The following PCDH7 variants were observed in gnomAD, a reference collection of about 807,000 sequenced individuals.
PCDH7 encodes protocadherin-7.
PCDH7 carries 17 observed loss-of-function variants against 58.9 expected under a neutral mutation model. The observed-to-expected ratio is 0.29, with a 90% confidence interval of 0.20 to 0.43. The LOEUF (loss-of-function observed/expected upper bound fraction) is 0.43. Ranked by LOEUF, PCDH7 falls within the 20% of genes least tolerant of loss-of-function variation. The pLI, the probability that PCDH7 is intolerant of heterozygous loss-of-function variation, is 1.00. For synonymous variants in PCDH7, 664 were observed against 616.4 expected, an observed-to-expected ratio of 1.08 and a Z score of -1.14; for missense variants, 1,274 against 1,441.0, an observed-to-expected ratio of 0.88 and a Z score of 1.88.
chr4:30,791,944 A>T (rs1036085320), intron 1 of PCDH7, among the ~76,000 whole-genome samples: 2 of 152,228 alleles, frequency 1.3e-5, no homozygotes, highest in African/African-American at 4.8e-5. Context: ...AAAAGATAAC[A>T]CTGATTATGA....
chr4:30,985,028 G>A (rs986173927), intron 3 of PCDH7, among the ~76,000 whole-genome samples: 4 of 152,246 alleles, frequency 2.6e-5, no homozygotes, highest in East Asian at 1.9e-4. Flanking sequence ...GTGCAGTGAC[G>A]TGACCTCCGC....
At chr4:31,026,347 G>A (rs1367823228) in intron 3 of PCDH7, among the ~76,000 whole-genome samples, 1 of 152,172 alleles carries the variant, frequency 6.6e-6, no homozygotes, top group Non-Finnish European at 1.5e-5. Flanking sequence ...TGTGGAAGTA[G>A]CAAGGATTCC....
At chr4:30,802,938 A>T (rs1036373169) in intron 1 of PCDH7, among the ~76,000 whole-genome samples, 1 of 152,088 alleles carries the variant, frequency 6.6e-6, no homozygotes, top group Non-Finnish European at 1.5e-5. Flanking sequence ...AGATGGTAGG[A>T]CTGATTTGGT....
At chr4:30,898,406 G>T (rs1036382570) in intron 1 of PCDH7, among the ~76,000 whole-genome samples, 2 of 152,104 alleles carry the variant, frequency 1.3e-5, no homozygotes, top group African/African-American at 4.8e-5. Flanking sequence ...AGTCGAGGAG[G>T]ATACAAAAAC....
At chr4:30,852,829 GAAAAAAAAAA>G (rs58210433) in intron 1 of PCDH7, among the ~76,000 whole-genome samples, 2 of 74,610 alleles carry the variant, frequency 2.7e-5, no homozygotes, top group African/African-American at 9.6e-5. Flanking sequence ...TCAAGCACAG[GAAAAAAAAAA>G]AAAAAAAAAA....
In PCDH7 at chr4:30,817,916, A is replaced by G. The variant is rs936569726; in HGVS notation, c.70+93320A>G. On this transcript the variant is annotated intron_variant, in intron 1 of 3. Coordinates refer to the PCDH7 transcript ENST00000509759. ...TTAGATGCCTCCAGAGATTTTTTTC[A>G]TCTCGTCCAAGTTAAAGCCAAAAGC... 3.9e-5 allele frequency among the ~76,000 whole-genome samples: 6 copies of G among 152,176 alleles called. No individual in the cohort carries two copies. The South Asian group carries it at 1.0e-3, about 26-fold the overall frequency.
chr4:30,733,772 C>A (rs1437083089), downstream of PCDH7, among the ~76,000 whole-genome samples: 1 of 151,844 alleles, frequency 6.6e-6, no homozygotes, highest in Non-Finnish European at 1.5e-5. Flanking sequence ...AACCTTATAA[C>A]GTCTGTGAAA....
At chr4:30,846,269 T>A (rs912750453) in intron 1 of PCDH7, among the ~76,000 whole-genome samples, 4 of 152,070 alleles carry the variant, frequency 2.6e-5, no homozygotes, top group African/African-American at 9.7e-5. Context: ...CATGAGGGCA[T>A]TGCCCTCATG....
At chr4:30,737,817 A>G (rs1435102174), downstream of PCDH7, among the ~76,000 whole-genome samples, 1 of 152,214 alleles carries the variant, frequency 6.6e-6, no homozygotes, top group Non-Finnish European at 1.5e-5. Flanking sequence ...TCTTTTTTAC[A>G]TTTGAAAAAA....
chr4:31,034,868 T>A (rs528933036), intron 3 of PCDH7, among the ~76,000 whole-genome samples: 33 of 152,282 alleles, frequency 2.2e-4, no homozygotes, highest in African/African-American at 7.9e-4. Flanking sequence ...CAGCAGTTAG[T>A]CTTGGTGACA....
chr4:30,875,398 GT>G (rs1444222839), intron 1 of PCDH7, among the ~76,000 whole-genome samples: 1 of 151,988 alleles, frequency 6.6e-6, no homozygotes, highest in East Asian at 1.9e-4. Context: ...GGTAGTAGGG[GT>G]TAAGACTTTC....
chr4:31,024,989 C>G (rs1045473609), intron 3 of PCDH7, among the ~76,000 whole-genome samples: 1 of 152,162 alleles, frequency 6.6e-6, no homozygotes, highest in Non-Finnish European at 1.5e-5. Context: ...GTGACCCACC[C>G]GCCTCGGCCT....
chr4:30,937,938 C>A (rs879697661), intron 2 of PCDH7, among the ~76,000 whole-genome samples: 1 of 151,246 alleles, frequency 6.6e-6, no homozygotes, highest in Non-Finnish European at 1.5e-5. Context: ...TAATTGACCT[C>A]GTCATTAAGC....
intron 3 of PCDH7, among the ~76,000 whole-genome samples, chr4:31,123,461 C>G (rs1389371133): frequency 6.6e-6 from 1 of 152,052 alleles, no homozygotes; most frequent in East Asian, 1.9e-4. Context: ...AAACCCCTTG[C>G]GGGAGGAAAA....
At chr4:30,771,199 C>T (rs188260720) in intron 1 of PCDH7, among the ~76,000 whole-genome samples, 62 of 152,188 alleles carry the variant, frequency 4.1e-4, no homozygotes, top group African/African-American at 1.2e-3. Flanking sequence ...TTATTTTGAA[C>T]GAATTCATAA....
chr4:30,740,818 G>GT (rs1384464330), intron 1 of PCDH7, among the ~76,000 whole-genome samples: 21 of 151,756 alleles, frequency 1.4e-4, no homozygotes, highest in African/African-American at 4.6e-4. Context: ...TCATCTAACA[G>GT]TTTTTTAAAA....
chr4:30,921,750 T>A (rs1244622300), intron 2 of PCDH7, among the ~76,000 whole-genome samples: 2 of 152,002 alleles, frequency 1.3e-5, no homozygotes, highest in Non-Finnish European at 2.9e-5. Context: ...AGTAATTTTT[T>A]TAATGGGCAT....
intron 1 of PCDH7, among the ~76,000 whole-genome samples, chr4:30,738,024 C>T (rs998611744): frequency 1.3e-5 from 2 of 152,096 alleles, no homozygotes; most frequent in African/African-American, 4.8e-5. Context: ...CTCTTTGCAT[C>T]CTCAGGTGAC....
At chr4:30,974,759 G>A (rs1023929504) in intron 3 of PCDH7, among the ~76,000 whole-genome samples, 2 of 152,102 alleles carry the variant, frequency 1.3e-5, no homozygotes, top group Non-Finnish European at 2.9e-5. Flanking sequence ...CAAAAGTGCT[G>A]GAGTTTCACC....
Sources: gnomAD v4.1 joint callset for allele counts (sites outside exome capture counted in the v4.1 genomes callset) on GRCh38, gnomAD v4.1.1 for gene constraint, MANE v1.5 for transcripts, NCBI Gene and HGNC (gene_info 2026-07-23, HGNC 2026-07-21) for gene names.